The following SH3BGRL2 variants were observed in gnomAD, a reference collection of about 807,000 sequenced individuals.
SH3BGRL2 encodes the protein SH3 domain binding glutamate rich protein like 2, also known as SH3 domain-binding glutamic acid-rich-like protein 2.
Under a neutral mutation model 14.8 loss-of-function variants are expected in SH3BGRL2, and 21 were observed. The ratio of observed to expected loss-of-function variants is 1.42; its 90% confidence interval spans 1.01 to 2.05. The LOEUF (loss-of-function observed/expected upper bound fraction) is 2.05. SH3BGRL2 is among the 30% of genes most tolerant of loss of function. SH3BGRL2 has a pLI of 0.00. For missense variants in SH3BGRL2, 147 were observed against 130.8 expected (o/e 1.12, Z -0.61); for synonymous variants, 50 against 47.8 (o/e 1.05, Z -0.19).
the SH3BGRL2 span, among the ~76,000 whole-genome samples, chr6:79,590,457 A>ATATATG: frequency 3.2e-5 from 4 of 124,356 alleles, no homozygotes; most frequent in East Asian, 2.2e-4. Flanking sequence ...ATATATATAT[A>ATATATG]TATATATGCG....
At chr6:79,579,519 T>G in the SH3BGRL2 span, among the ~76,000 whole-genome samples, 1,040 of 152,304 alleles carry the variant, frequency 6.8e-3, 13 homozygotes, top group African/African-American at 0.023. Flanking sequence ...AAAAGAATTT[T>G]CAACCCAGAA....
At chr6:79,623,086 A>C in the SH3BGRL2 span, among the ~76,000 whole-genome samples, 2 of 152,130 alleles carry the variant, frequency 1.3e-5, no homozygotes, top group African/African-American at 2.4e-5. Context: ...TGGGCAGATC[A>C]CTTGAGGTCA....
chr6:79,681,159 G>T (rs1273756808), intron 2 of SH3BGRL2, among the ~76,000 whole-genome samples: 1 of 152,152 alleles, frequency 6.6e-6, no homozygotes, highest in Non-Finnish European at 1.5e-5. Context: ...AAAACCAAGT[G>T]GGGTGGAAAA....
chr6:79,624,224 T>C, the SH3BGRL2 span, among the ~76,000 whole-genome samples: 1 of 151,218 alleles, frequency 6.6e-6, no homozygotes, highest in African/African-American at 2.4e-5. Context: ...TCTCCTGACC[T>C]GGAATGCAAT....
chr6:79,629,493 T>C (rs1468270719), upstream of SH3BGRL2, among the ~76,000 whole-genome samples: 2 of 152,138 alleles, frequency 1.3e-5, no homozygotes, highest in Non-Finnish European at 2.9e-5. Flanking sequence ...CCCAAGGAGC[T>C]GAGCAGATAA....
intron 1 of SH3BGRL2, among the ~76,000 whole-genome samples, chr6:79,632,194 T>C (rs1768839239): frequency 6.6e-6 from 1 of 152,196 alleles, no homozygotes; most frequent in South Asian, 2.1e-4. Flanking sequence ...ATCTATGAAT[T>C]GTGGTTTTCT....
Position 79,658,654 on chromosome 6 carries a change from AC to A in SH3BGRL2, c.46-14957del, listed in dbSNP as rs553957818. Among the ~76,000 whole-genome samples, 608 of 152,330 alleles carry A rather than the reference AC, an allele frequency of 4.0e-3. 6 individuals carry two copies. The highest frequency in any genetic ancestry group is 0.014 in the African/African-American group (580 of 41,576). ...ATGATTTATAATCCTTTGGGTATAT[AC>A]CCAGTAATGGGATTGCTAGGTCAAA... On this transcript the variant is annotated intron_variant, in intron 1 of 3. Coordinates refer to ENST00000369838, the MANE Select transcript of SH3BGRL2 (RefSeq NM_031469.4).
chr6:79,557,954 T>G, the SH3BGRL2 span, among the ~76,000 whole-genome samples: 1 of 152,234 alleles, frequency 6.6e-6, no homozygotes, highest in Non-Finnish European at 1.5e-5. Context: ...TTCAAGGACT[T>G]ATGATCATTC....
At chr6:79,693,950 A>C (rs888584213) in intron 2 of SH3BGRL2, among the ~76,000 whole-genome samples, 3 of 152,178 alleles carry the variant, frequency 2.0e-5, no homozygotes, top group Non-Finnish European at 4.4e-5. Flanking sequence ...GAGGGAAGAA[A>C]GGAGTCCTGT....
intron 1 of SH3BGRL2, among the ~76,000 whole-genome samples, chr6:79,634,346 C>T (rs922971558): frequency 2.6e-5 from 4 of 152,094 alleles, no homozygotes; most frequent in South Asian, 2.1e-4. Flanking sequence ...CCTGAAAAAT[C>T]GGATTTCTTA....
At chr6:79,680,333 G>A (rs1316194698) in intron 2 of SH3BGRL2, among the ~76,000 whole-genome samples, 2 of 152,224 alleles carry the variant, frequency 1.3e-5, no homozygotes, top group African/African-American at 2.4e-5. Flanking sequence ...CTGTTGAAGA[G>A]ACCATCTTTT....
the SH3BGRL2 span, among the ~76,000 whole-genome samples, chr6:79,581,695 C>G: frequency 6.6e-6 from 1 of 152,144 alleles, no homozygotes; most frequent in Admixed American, 6.5e-5. Flanking sequence ...ACTGAATGGG[C>G]AAAAACTGGA....
intron 3 of SH3BGRL2, among the ~76,000 whole-genome samples, chr6:79,698,529 A>G (rs1770378456): frequency 6.6e-6 from 1 of 152,122 alleles, no homozygotes; most frequent in African/African-American, 2.4e-5. Flanking sequence ...AGCACCTATA[A>G]TTGCTCTTAC....
Position 79,699,571 on chromosome 6 carries a change from A to T in SH3BGRL2, c.*62A>T, listed in dbSNP as rs1770410605. The stretch of plus-strand genomic sequence containing the variant: ...AGCACCCCTGGTACTCAGCACACAC[A>T]TGCTTACCTAATGCATCACTGTGAC... On this transcript the variant is annotated 3_prime_UTR_variant, in exon 4 of 4. Coordinates refer to ENST00000369838, the MANE Select transcript of SH3BGRL2 (RefSeq NM_031469.4). 1.3e-6 allele frequency: 2 copies of T among 1,489,882 alleles called. No individual in the cohort carries two copies. Among genetic ancestry groups the T allele is most frequent in the Non-Finnish European group, 1.8e-6 (2 of 1,123,244 alleles). 92.3% of individuals were successfully genotyped at this position (1,489,882 alleles called of 1,614,324 possible).
At chr6:79,565,271 A>G in the SH3BGRL2 span, among the ~76,000 whole-genome samples, 2 of 152,296 alleles carry the variant, frequency 1.3e-5, no homozygotes, top group South Asian at 2.1e-4. Context: ...TTCAATAACA[A>G]CTAGGCTCCC....
chr6:79,547,343 A>G, the SH3BGRL2 span, among the ~76,000 whole-genome samples: 3 of 152,230 alleles, frequency 2.0e-5, no homozygotes, highest in Non-Finnish European at 2.9e-5. Context: ...TGGGAGGTAC[A>G]CTACTGGTAG....
the SH3BGRL2 span, among the ~76,000 whole-genome samples, chr6:79,616,097 T>C: frequency 6.6e-6 from 1 of 152,190 alleles, no homozygotes; most frequent in Non-Finnish European, 1.5e-5. Context: ...ATTGCAGGCA[T>C]GAGCCACCGC....
At chr6:79,636,023 T>C (rs974193365) in intron 1 of SH3BGRL2, among the ~76,000 whole-genome samples, 1 of 152,192 alleles carries the variant, frequency 6.6e-6, no homozygotes, top group African/African-American at 2.4e-5. Context: ...TCATGTAGAA[T>C]AGAGTGGGTA....
upstream of SH3BGRL2, among the ~76,000 whole-genome samples, chr6:79,629,691 T>C (rs1768787798): frequency 6.6e-6 from 1 of 152,224 alleles, no homozygotes; most frequent in Non-Finnish European, 1.5e-5. Flanking sequence ...TTAAAGTACC[T>C]TCTATGGCCA....
Sources: gnomAD v4.1 joint callset for allele counts (sites outside exome capture counted in the v4.1 genomes callset) on GRCh38, gnomAD v4.1.1 for gene constraint, MANE v1.5 for transcripts, NCBI Gene and HGNC (gene_info 2026-07-23, HGNC 2026-07-21) for gene names.